Variants in APBB2 observed in about 807,000 individuals in gnomAD.
The protein encoded by APBB2 is Fe65-like 1.
A neutral mutation model predicts 82.5 loss-of-function variants in APBB2; 38 were observed. The ratio of observed to expected loss-of-function variants is 0.46; its 90% confidence interval spans 0.36 to 0.60. APBB2 has a LOEUF of 0.60. Ranked by LOEUF, APBB2 falls within the 20% of genes least tolerant of loss-of-function variation. The pLI is 0.00. For missense variants in APBB2, 772 were observed against 972.3 expected (o/e 0.79, Z 2.74); for synonymous variants, 341 against 368.2 (o/e 0.93, Z 0.85).
intron 1 of APBB2, among the ~76,000 whole-genome samples, chr4:41,175,865 C>A (rs1247248428): frequency 6.6e-6 from 1 of 152,108 alleles, no homozygotes; most frequent in Non-Finnish European, 1.5e-5. Flanking sequence ...AAGATATTCA[C>A]AAGTATTTTA....
intron 12 of APBB2, chr4:40,881,298 T>C (rs537767987): frequency 1.0e-6 from 1 of 985,270 alleles, no homozygotes; most frequent in Non-Finnish European, 1.2e-6. Flanking sequence ...GATTAAACTT[T>C]CATCAGCAGA....
chr4:41,010,562 A>G (rs1013732018), intron 6 of APBB2, among the ~76,000 whole-genome samples: 4 of 152,188 alleles, frequency 2.6e-5, no homozygotes, highest in Admixed American at 2.0e-4. Flanking sequence ...GAGTCCCAGT[A>G]GGTAGACTGG....
chr4:40,865,766 G>T (rs184505613), intron 12 of APBB2, among the ~76,000 whole-genome samples: 404 of 152,242 alleles, frequency 2.7e-3, no homozygotes, highest in Admixed American at 8.0e-3. Context: ...TTTTTAAATG[G>T]GCAATAACAT....
At chr4:41,199,960 C>G (rs1048439646) in intron 1 of APBB2, among the ~76,000 whole-genome samples, 2 of 152,106 alleles carry the variant, frequency 1.3e-5, no homozygotes, top group African/African-American at 4.8e-5. Context: ...GAATTTGGCC[C>G]TTTAGACAGA....
At chr4:40,822,684 G>A (rs1288110403) in intron 16 of APBB2, among the ~76,000 whole-genome samples, 1 of 152,176 alleles carries the variant, frequency 6.6e-6, no homozygotes, top group Non-Finnish European at 1.5e-5. Flanking sequence ...CCATATGCAA[G>A]TTTTGAATTA....
chr4:41,031,234 TTAAA>T (rs144245631), intron 5 of APBB2, among the ~76,000 whole-genome samples: 6,670 of 151,438 alleles, frequency 0.044, 304 homozygotes, highest in African/African-American at 0.12. Context: ...CAAAAAAAAT[TTAAA>T]TAAATAAATA....
chr4:40,928,189 C>T (rs1434674613), intron 10 of APBB2, among the ~76,000 whole-genome samples: 2 of 152,022 alleles, frequency 1.3e-5, no homozygotes, highest in African/African-American at 2.4e-5. Flanking sequence ...GGAAAAGTGG[C>T]GTAAAATAGA....
At chr4:40,939,992 A>G (rs188097802) in intron 7 of APBB2, among the ~76,000 whole-genome samples, 59 of 152,320 alleles carry the variant, frequency 3.9e-4, no homozygotes, top group African/African-American at 1.3e-3. Context: ...TGGCTTTGTC[A>G]TTGCAACAGA....
At chr4:41,055,451 T>C (rs1408753735) in intron 4 of APBB2, among the ~76,000 whole-genome samples, 3 of 152,312 alleles carry the variant, frequency 2.0e-5, no homozygotes, top group South Asian at 2.1e-4. Context: ...TGGACTGTTA[T>C]TTTCGCCATC....
intron 2 of APBB2, among the ~76,000 whole-genome samples, chr4:41,104,428 C>T (rs1447506577): frequency 6.6e-6 from 1 of 152,200 alleles, no homozygotes; most frequent in Non-Finnish European, 1.5e-5. Context: ...TGAGTTCACT[C>T]ACCCATGCTT....
chr4:40,985,987 TAAATAACAAAAGAG>T (rs1800320804), intron 6 of APBB2, among the ~76,000 whole-genome samples: 1 of 152,126 alleles, frequency 6.6e-6, no homozygotes, highest in South Asian at 2.1e-4. Context: ...AAGTGACACA[TAAATAACAAAAGAG>T]AAGTTTTGTA....
At chr4:41,024,059 G>A (rs566612384) in intron 5 of APBB2, among the ~76,000 whole-genome samples, 24 of 152,244 alleles carry the variant, frequency 1.6e-4, no homozygotes, top group Admixed American at 9.2e-4. Context: ...CTTCAACAAA[G>A]CTGACAAAAA....
chr4:41,213,513 T>A (rs1779842957), intron 1 of APBB2, among the ~76,000 whole-genome samples: 1 of 152,192 alleles, frequency 6.6e-6, no homozygotes, highest in African/African-American at 2.4e-5. Flanking sequence ...TCCAAATTAA[T>A]TTATTTTTTT....
intron 1 of APBB2, among the ~76,000 whole-genome samples, chr4:41,164,190 T>C (rs1157944011): frequency 2.0e-5 from 3 of 152,226 alleles, no homozygotes; most frequent in South Asian, 2.1e-4. Context: ...ATTTTGTGCA[T>C]GAAACAAAGT....
chr4:40,870,008 GA>G (rs1395250911), intron 12 of APBB2, among the ~76,000 whole-genome samples: 1 of 151,728 alleles, frequency 6.6e-6, no homozygotes, highest in Non-Finnish European at 1.5e-5. Flanking sequence ...ATGGAAGAGA[GA>G]AAAAACATTC....
intron 6 of APBB2, among the ~76,000 whole-genome samples, chr4:40,960,497 G>A (rs1792865409): frequency 7.0e-6 from 1 of 143,204 alleles, no homozygotes; most frequent in Admixed American, 7.6e-5. Flanking sequence ...GCCCAGGCTG[G>A]AGTGCAGTGG....
intron 2 of APBB2, among the ~76,000 whole-genome samples, chr4:41,117,111 C>T (rs1751244173): frequency 6.6e-6 from 1 of 151,990 alleles, no homozygotes; most frequent in East Asian, 1.9e-4. Context: ...TCTTTTCTGA[C>T]TCTCAGTGAC....
intron 10 of APBB2, among the ~76,000 whole-genome samples, chr4:40,931,358 G>A (rs775546965): frequency 9.9e-5 from 15 of 152,048 alleles, no homozygotes; most frequent in Admixed American, 2.6e-4. Flanking sequence ...GGCTCACTGC[G>A]GCCTTTACCT....
At position 41,198,923 on chromosome 4, in the gene APBB2, A is replaced by G. The variant is rs28608154; in HGVS notation, c.-417+15482T>C. ...TGTGTCTGTCTTTATACGACACTCT[A>G]CCTGTGTGTCTGTGTCCAAATTTCC... On this transcript the variant is annotated intron_variant, in intron 1 of 17. Transcript: ENST00000508593. Among the ~76,000 whole-genome samples the G allele has an allele frequency of 8.9e-3, 1,359 of 152,216 alleles. 9 individuals carry two copies. Among genetic ancestry groups the G allele is most frequent in the African/African-American group, 0.012 (485 of 41,528 alleles).
Sources: allele counts gnomAD v4.1 joint callset (sites outside exome capture counted in the v4.1 genomes callset), GRCh38; gene constraint gnomAD v4.1.1; transcripts MANE v1.5; gene names NCBI Gene and HGNC (gene_info 2026-07-23, HGNC 2026-07-21).